ESRRG: variants seen among roughly 807,000 people sequenced by gnomAD.
ESRRG encodes estrogen-related receptor gamma.
Under a neutral mutation model 44.0 loss-of-function variants are expected in ESRRG, and 13 were observed. The ratio of observed to expected loss-of-function variants is 0.30; its 90% confidence interval spans 0.19 to 0.47. ESRRG has a LOEUF of 0.47. Among genes scored for constraint, ESRRG ranks in the 20% least tolerant of loss-of-function variants. The probability of loss-of-function intolerance (pLI) is 1.00; values close to 1 mark genes in which losing one functional copy is unlikely to be tolerated. For missense variants in ESRRG, 395 were observed against 580.6 expected (o/e 0.68, Z 3.29); for synonymous variants, 215 against 214.6 (o/e 1.00, Z -0.02).
chr1:217,111,940 A>C (rs2092666049), intron 1 of ESRRG, among the ~76,000 whole-genome samples: 1 of 152,032 alleles, frequency 6.6e-6, no homozygotes, highest in African/African-American at 2.4e-5. Flanking sequence ...ATCTCTTGAA[A>C]CGTTCTCTCT....
intron 5 of ESRRG, among the ~76,000 whole-genome samples, chr1:216,536,596 T>A (rs775759304): frequency 9.9e-5 from 15 of 152,086 alleles, no homozygotes; most frequent in Non-Finnish European, 2.2e-4. Context: ...CTCTTCCTTG[T>A]TGTGATGGTT....
intron 1 of ESRRG, among the ~76,000 whole-genome samples, chr1:216,696,446 C>T (rs1307344140): frequency 6.6e-6 from 1 of 152,042 alleles, no homozygotes; most frequent in Non-Finnish European, 1.5e-5. Context: ...ATGTACCTGT[C>T]TTGACTATTT....
intron 5 of ESRRG, among the ~76,000 whole-genome samples, chr1:216,520,428 C>T (rs2045736888): frequency 6.6e-6 from 1 of 152,024 alleles, no homozygotes; most frequent in Non-Finnish European, 1.5e-5. Flanking sequence ...TAAAGTCCCT[C>T]TGAGCTTGAG....
intron 1 of ESRRG, among the ~76,000 whole-genome samples, chr1:217,038,245 G>T (rs1301945545): frequency 6.6e-6 from 1 of 152,202 alleles, no homozygotes; most frequent in East Asian, 1.9e-4. Flanking sequence ...CTCCGTGAGG[G>T]CCCTGCCCCT....
chr1:216,958,452 T>C (rs570621814), intron 1 of ESRRG, among the ~76,000 whole-genome samples: 12 of 152,270 alleles, frequency 7.9e-5, no homozygotes, highest in South Asian at 2.1e-4. Flanking sequence ...GTGTTGATAT[T>C]GTTCGTTTTA....
chr1:216,896,487 TTG>T (rs1157665859), intron 2 of ESRRG, among the ~76,000 whole-genome samples: 4 of 152,096 alleles, frequency 2.6e-5, no homozygotes, highest in African/African-American at 9.7e-5. Context: ...TTGCCACAGA[TTG>T]TTAGGGGGAG....
intron 2 of ESRRG, among the ~76,000 whole-genome samples, chr1:216,857,868 C>A (rs1238567548): frequency 6.6e-6 from 1 of 152,002 alleles, no homozygotes; most frequent in Non-Finnish European, 1.5e-5. Context: ...TAAAAGTTCA[C>A]TAATTTTGTT....
intron 2 of ESRRG, among the ~76,000 whole-genome samples, chr1:216,670,648 C>T (rs971185679): frequency 6.6e-6 from 1 of 152,188 alleles, no homozygotes; most frequent in African/African-American, 2.4e-5. Flanking sequence ...GGGACTCTCT[C>T]TTGGGTCTGT....
chr1:216,616,586 C>T (rs769083934), intron 3 of ESRRG, among the ~76,000 whole-genome samples: 13 of 152,186 alleles, frequency 8.5e-5, no homozygotes, highest in Non-Finnish European at 1.8e-4. Flanking sequence ...CAACTGGCTG[C>T]ATTTGTGAAC....
intron 5 of ESRRG, among the ~76,000 whole-genome samples, chr1:216,555,486 TATC>T (rs1344147991): frequency 7.9e-5 from 12 of 152,106 alleles, no homozygotes; most frequent in African/African-American, 2.4e-4. Context: ...TAGTGTGTGT[TATC>T]ATATCAGAAA....
intron 5 of ESRRG, among the ~76,000 whole-genome samples, chr1:216,528,981 G>T (rs917228031): frequency 6.6e-6 from 1 of 152,140 alleles, no homozygotes; most frequent in African/African-American, 2.4e-5. Context: ...GTTACAAACA[G>T]CAAGGAGGGT....
intron 2 of ESRRG, among the ~76,000 whole-genome samples, chr1:216,847,955 T>G (rs1405276292): frequency 1.3e-5 from 2 of 152,138 alleles, no homozygotes; most frequent in African/African-American, 4.8e-5. Context: ...TTCCAAGATG[T>G]TGGTATAGGA....
intron 2 of ESRRG, among the ~76,000 whole-genome samples, chr1:216,939,365 A>AAAAAAAAAAAAAAAAAAC (rs1560189110): frequency 7.2e-6 from 1 of 139,698 alleles, no homozygotes; most frequent in African/African-American, 3.0e-5. Context: ...AAAAAAAAAA[A>AAAAAAAAAAAAAAAAAAC]AAAAACACTT....
intron 2 of ESRRG, among the ~76,000 whole-genome samples, chr1:216,788,028 GC>G (rs1191210468): frequency 6.6e-6 from 1 of 152,108 alleles, no homozygotes; most frequent in Non-Finnish European, 1.5e-5. Context: ...GGGCTATCAC[GC>G]ATTGGTTCAT....
intron 2 of ESRRG, among the ~76,000 whole-genome samples, chr1:216,799,445 A>G (rs189414964): frequency 8.6e-5 from 13 of 150,984 alleles, no homozygotes; most frequent in African/African-American, 2.9e-4. Context: ...GGAGGTGACG[A>G]TTATAATCAC....
At chr1:216,773,306 G>C (rs186425728) in intron 2 of ESRRG, among the ~76,000 whole-genome samples, 232 of 152,190 alleles carry the variant, frequency 1.5e-3, no homozygotes, top group African/African-American at 5.1e-3. Flanking sequence ...CACAGATATA[G>C]CTTGCTTTTG....
chr1:216,908,313 G>A (rs769393907), intron 2 of ESRRG, among the ~76,000 whole-genome samples: 58 of 152,190 alleles, frequency 3.8e-4, no homozygotes, highest in Non-Finnish European at 7.5e-4. Context: ...CCATGGGAGT[G>A]TTAATCAGGA....
At chr1:217,093,497 A>C (rs77706040), upstream of ESRRG, among the ~76,000 whole-genome samples, 25 of 152,262 alleles carry the variant, frequency 1.6e-4, no homozygotes, top group African/African-American at 5.8e-4. Flanking sequence ...AATATGTTCA[A>C]ACCTACGGTT....
At chr1:216,828,471 T>A (rs1279543354) in intron 2 of ESRRG, among the ~76,000 whole-genome samples, 2 of 152,164 alleles carry the variant, frequency 1.3e-5, no homozygotes, top group African/African-American at 4.8e-5. Context: ...AGCTCCTGTA[T>A]CAGAGGGCTC....
Sources: gnomAD v4.1 joint callset for allele counts (sites outside exome capture counted in the v4.1 genomes callset) on GRCh38, gnomAD v4.1.1 for gene constraint, MANE v1.5 for transcripts, NCBI Gene and HGNC (gene_info 2026-07-23, HGNC 2026-07-21) for gene names.